Variants in PRUNE2 observed in about 807,000 individuals in gnomAD.
PRUNE2 encodes prune homolog 2 with BCH domain, also known as protein prune homolog 2.
In PRUNE2, 164 loss-of-function variants were observed where a neutral mutation model predicts 252.0. The ratio of observed to expected loss-of-function variants is 0.65; its 90% CI spans 0.57 to 0.74. PRUNE2 has a LOEUF of 0.74. PRUNE2 is among the 30% of genes least tolerant of loss of function. The pLI, the probability that PRUNE2 is intolerant of heterozygous loss-of-function variation, is 0.00. For missense variants in PRUNE2, 3,495 were observed against 3,711.0 expected, an observed-to-expected ratio of 0.94 and a Z score of 1.51; for synonymous variants, 1,292 against 1,350.2, an observed-to-expected ratio of 0.96 and a Z score of 0.94.
rs760353868 is a variant in PRUNE2 at position 76,710,376 on chromosome 9, T to C, written c.1898A>G (p.Asp633Gly). ...TGTGTCAGTTGCTTTTTGGGTCATATCTTCTGTATAGAGTGAGGCTGGTTC... is the reference window on the plus strand; with the variant it reads ...TGTGTCAGTTGCTTTTTGGGTCATACCTTCTGTATAGAGTGAGGCTGGTTC... ...TEEPASLYTE[D>G]MTQKATDTGH... The change falls in exon 8 of 19, where the codon GAT (aspartate) becomes GGT (glycine). Residue 633 changes from aspartate (D) to glycine (G), a missense_variant. Transcript: ENST00000376718. 21 of 1,613,974 alleles carry C rather than the reference T, an allele frequency of 1.3e-5. No homozygotes were observed. Among genetic ancestry groups the C allele is most frequent in the Non-Finnish European group, 1.5e-5 (18 of 1,179,882 alleles).
intron 9 of PRUNE2, chr9:76,692,033 C>T (rs749093255): frequency 1.8e-4 from 127 of 717,100 alleles, no homozygotes; most frequent in Admixed American, 3.2e-4. Flanking sequence ...TTCTGTCCTT[C>T]CCGTACCGAT....
chr9:76,633,027 G>A (rs1227326772), intron 15 of PRUNE2, among the ~76,000 whole-genome samples: 4 of 152,186 alleles, frequency 2.6e-5, no homozygotes, highest in Non-Finnish European at 5.9e-5. Context: ...TTCAAGACCA[G>A]CCTGGCCAAC....
intron 6 of PRUNE2, among the ~76,000 whole-genome samples, chr9:76,734,451 C>T (rs767986847): frequency 3.6e-4 from 55 of 152,208 alleles, no homozygotes; most frequent in Non-Finnish European, 7.3e-5. Flanking sequence ...TATGCCACTT[C>T]TCATTACACA....
chr9:76,883,716 G>A (rs2061925268), intron 1 of PRUNE2, among the ~76,000 whole-genome samples: 1 of 152,174 alleles, frequency 6.6e-6, no homozygotes, highest in South Asian at 2.1e-4. Context: ...CCAGGAAAAT[G>A]CATCATCTTC....
chr9:76,669,838 C>A (rs1164251508), intron 9 of PRUNE2, among the ~76,000 whole-genome samples: 2 of 152,342 alleles, frequency 1.3e-5, no homozygotes, highest in East Asian at 3.9e-4. Context: ...AATTCCCTCA[C>A]TCCTCCCGAG....
At chr9:76,661,236 A>ATAT (rs1352774226) in intron 9 of PRUNE2, among the ~76,000 whole-genome samples, 4 of 152,112 alleles carry the variant, frequency 2.6e-5, no homozygotes, top group African/African-American at 9.7e-5. Flanking sequence ...AAGCATTACA[A>ATAT]TATTATTATT....
At chr9:76,761,913 G>C (rs1275942076) in intron 6 of PRUNE2, among the ~76,000 whole-genome samples, 4 of 152,114 alleles carry the variant, frequency 2.6e-5, no homozygotes, top group African/African-American at 9.7e-5. Flanking sequence ...CATAAACTCT[G>C]TTCCAAATAA....
chr9:76,749,800 G>A (rs2050453387), intron 6 of PRUNE2, among the ~76,000 whole-genome samples: 1 of 152,184 alleles, frequency 6.6e-6, no homozygotes, highest in Non-Finnish European at 1.5e-5. Flanking sequence ...AGCCACAGAA[G>A]GATTTTAAGA....
At chr9:76,876,673 A>C (rs1358554298) in intron 1 of PRUNE2, among the ~76,000 whole-genome samples, 2 of 152,146 alleles carry the variant, frequency 1.3e-5, no homozygotes, top group African/African-American at 4.8e-5. Context: ...AGCACCTGCC[A>C]GTCATTCTAA....
intron 6 of PRUNE2, among the ~76,000 whole-genome samples, chr9:76,772,349 T>TA (rs113296687): frequency 6.6e-6 from 1 of 151,512 alleles, no homozygotes; most frequent in Non-Finnish European, 1.5e-5. Context: ...ATTTTTTTTT[T>TA]AAATGGCAAT....
At chr9:76,698,221 AT>A (rs2045570934) in intron 9 of PRUNE2, among the ~76,000 whole-genome samples, 1 of 151,672 alleles carries the variant, frequency 6.6e-6, no homozygotes, top group Admixed American at 6.6e-5. Context: ...TAATTTTTGT[AT>A]TTTTAGTACA....
intron 18 of PRUNE2, among the ~76,000 whole-genome samples, chr9:76,615,629 G>C (rs1385607930): frequency 2.0e-5 from 3 of 152,098 alleles, no homozygotes; most frequent in African/African-American, 4.8e-5. Context: ...AAAATGGAAC[G>C]GTCATACCGC....
chr9:76,840,912 C>T (rs1013584448), intron 4 of PRUNE2, among the ~76,000 whole-genome samples: 6 of 151,718 alleles, frequency 4.0e-5, no homozygotes, highest in Admixed American at 2.6e-4. Context: ...ACCCGAGAGG[C>T]GGAGGTTGCA....
intron 6 of PRUNE2, among the ~76,000 whole-genome samples, chr9:76,795,398 G>A (rs927213892): frequency 6.6e-6 from 1 of 152,098 alleles, no homozygotes; most frequent in African/African-American, 2.4e-5. Context: ...CTTTGAGAGG[G>A]GTCTTATTTC....
chr9:76,778,373 T>C (rs1273809072), intron 6 of PRUNE2: 1 of 152,208 alleles, frequency 6.6e-6, no homozygotes, highest in Non-Finnish European at 1.5e-5. Flanking sequence ...ATGGATGATT[T>C]TCTCAGACTA....
At chr9:76,837,303 G>A (rs576012566) in intron 4 of PRUNE2, among the ~76,000 whole-genome samples, 78 of 152,134 alleles carry the variant, frequency 5.1e-4, no homozygotes, top group African/African-American at 1.7e-3. Context: ...TTAGCCAGGC[G>A]TGGTGGCGGG....
At chr9:76,815,220 C>T (rs1430961558) in intron 6 of PRUNE2, among the ~76,000 whole-genome samples, 2 of 152,152 alleles carry the variant, frequency 1.3e-5, no homozygotes, top group Non-Finnish European at 1.5e-5. Context: ...AGAGCACCAC[C>T]CTATGCCAAA....
chr9:76,666,465 A>G (rs986269755), intron 9 of PRUNE2, among the ~76,000 whole-genome samples: 1 of 152,194 alleles, frequency 6.6e-6, no homozygotes, highest in African/African-American at 2.4e-5. Context: ...AGATAGCAGT[A>G]GCAAAATTAG....
chr9:76,887,674 C>A (rs1348523103), intron 1 of PRUNE2, among the ~76,000 whole-genome samples: 1 of 152,176 alleles, frequency 6.6e-6, no homozygotes, highest in African/African-American at 2.4e-5. Flanking sequence ...CTGGAGCCTA[C>A]CAACTCCCTA....
Sources: allele counts gnomAD v4.1 joint callset (sites outside exome capture counted in the v4.1 genomes callset), GRCh38; gene constraint gnomAD v4.1.1; transcripts MANE v1.5; gene names NCBI Gene and HGNC (gene_info 2026-07-23, HGNC 2026-07-21).